ROR2: variants seen among roughly 807,000 people sequenced by gnomAD.
ROR2 encodes the protein tyrosine-protein kinase transmembrane receptor ROR2.
In ROR2, 33 loss-of-function variants were observed where a neutral mutation model predicts 74.9. That is an observed-to-expected ratio of 0.44 (90% CI 0.33 to 0.59). ROR2 has a LOEUF of 0.59. Among genes scored for constraint, ROR2 ranks in the 20% least tolerant of loss-of-function variants. ROR2 has a pLI of 0.02. For missense variants in ROR2, 1,216 were observed against 1,313.8 expected, an observed-to-expected ratio of 0.93 and a Z score of 1.15; for synonymous variants, 586 against 558.7, an observed-to-expected ratio of 1.05 and a Z score of -0.69.
At chr9:91,848,028 C>T (rs1288148877) in intron 1 of ROR2, among the ~76,000 whole-genome samples, 2 of 152,162 alleles carry the variant, frequency 1.3e-5, no homozygotes, top group East Asian at 1.9e-4. Context: ...CAAGCAGAAA[C>T]TTGAAGAGCC....
rs1328198830 is a variant in ROR2 at position 91,837,498 on chromosome 9, GGA to G, written c.98-61682_98-61681del. Among the ~76,000 whole-genome samples the G allele has an allele frequency of 3.9e-5, 6 of 152,230 alleles. No individual in the cohort carries two copies. In the East Asian group the frequency reaches 7.7e-4, roughly 19 times the overall value. ...GGCTGAAACTTAGCTGTTTAAGAAG[GGA>G]GGCGGGGAGAAGCCTTGCCATATTA... On this transcript the variant is annotated intron_variant, in intron 1 of 8. Coordinates refer to ENST00000375708, the MANE Select transcript of ROR2 (RefSeq NM_004560.4).
At chr9:91,936,008 T>C (rs563536444) in intron 1 of ROR2, among the ~76,000 whole-genome samples, 5 of 152,316 alleles carry the variant, frequency 3.3e-5, no homozygotes, top group African/African-American at 1.2e-4. Context: ...CAGCCAGGAC[T>C]GGCCTCATGA....
At chr9:91,779,980 G>A (rs7029809) in intron 1 of ROR2, among the ~76,000 whole-genome samples, 35,354 of 152,162 alleles carry the variant, frequency 0.23, 4,328 homozygotes, top group Middle Eastern at 0.35. Flanking sequence ...ACCAATTGGT[G>A]TCTACAGAAT....
At chr9:91,736,904 C>G (rs910548903) in intron 5 of ROR2, among the ~76,000 whole-genome samples, 1 of 152,228 alleles carries the variant, frequency 6.6e-6, no homozygotes, top group Non-Finnish European at 1.5e-5. Flanking sequence ...CTGCAGCATC[C>G]CTACCACTGA....
chr9:91,854,560 A>C (rs1422335721), intron 1 of ROR2, among the ~76,000 whole-genome samples: 1 of 152,164 alleles, frequency 6.6e-6, no homozygotes, highest in African/African-American at 2.4e-5. Flanking sequence ...TGGCCTTCCT[A>C]TTGCTGCCCC....
At chr9:91,875,789 G>A (rs375893226) in intron 1 of ROR2, among the ~76,000 whole-genome samples, 3 of 152,118 alleles carry the variant, frequency 2.0e-5, no homozygotes, top group African/African-American at 2.4e-5. Context: ...GCACACGGAC[G>A]ATCTTTGCAT....
intron 1 of ROR2, among the ~76,000 whole-genome samples, chr9:91,921,295 T>G (rs905500324): frequency 6.6e-6 from 1 of 152,246 alleles, no homozygotes; most frequent in African/African-American, 2.4e-5. Context: ...CCTTCTTTAA[T>G]ATAGGGGAAA....
intron 1 of ROR2, among the ~76,000 whole-genome samples, chr9:91,792,596 T>A (rs570491106): frequency 6.6e-6 from 1 of 151,896 alleles, no homozygotes; most frequent in Admixed American, 6.6e-5. Context: ...GCATGAGCCA[T>A]GCGCCCAGCC....
At chr9:91,773,810 G>C (rs1435246146) in intron 2 of ROR2, among the ~76,000 whole-genome samples, 1 of 152,130 alleles carries the variant, frequency 6.6e-6, no homozygotes, top group African/African-American at 2.4e-5. Flanking sequence ...TTTTCACTTG[G>C]CCAGTGTCCA....
intron 1 of ROR2, among the ~76,000 whole-genome samples, chr9:91,780,129 C>A (rs1009188977): frequency 1.3e-5 from 2 of 152,306 alleles, no homozygotes; most frequent in South Asian, 4.1e-4. Context: ...CAGTGGCTCA[C>A]GCCTGTAATC....
At chr9:91,868,598 G>A (rs2119324786) in intron 1 of ROR2, among the ~76,000 whole-genome samples, 1 of 152,310 alleles carries the variant, frequency 6.6e-6, no homozygotes, top group East Asian at 1.9e-4. Flanking sequence ...ATTTATAGAG[G>A]TAAAACTATT....
chr9:91,779,527 C>T (rs1176828874), intron 1 of ROR2, among the ~76,000 whole-genome samples: 3 of 152,002 alleles, frequency 2.0e-5, no homozygotes, highest in Admixed American at 1.3e-4. Flanking sequence ...CCCACCACCA[C>T]GCCCGGCTAA....
Position 91,756,064 on chromosome 9 carries a change from T to C in ROR2, c.494+7A>G, listed in dbSNP as rs750207729. 8.7e-6 allele frequency: 14 copies of C among 1,613,808 alleles called. No homozygotes were observed. The highest frequency in any genetic ancestry group is 1.1e-5 in the Non-Finnish European group (13 of 1,179,770). ...CAGAACACGGCTTGGGGAAAACAGATACTTACTGAAAGTTATGATTTGGGC... is the reference window on the plus strand; with the variant it reads ...CAGAACACGGCTTGGGGAAAACAGACACTTACTGAAAGTTATGATTTGGGC... On this transcript the variant is annotated splice_region_variant and intron_variant, in intron 4 of 8. Transcript: ENST00000375708.
chr9:91,810,020 C>T (rs981156231), intron 1 of ROR2, among the ~76,000 whole-genome samples: 1 of 152,220 alleles, frequency 6.6e-6, no homozygotes. Context: ...GGCTGCTCAG[C>T]GACTAAATCG....
intron 1 of ROR2, among the ~76,000 whole-genome samples, chr9:91,796,839 TGG>T (rs1478344414): frequency 8.4e-6 from 1 of 118,728 alleles, no homozygotes; most frequent in African/African-American, 3.8e-5. Context: ...GCTGACACCC[TGG>T]GCTCTGTGGG....
At chr9:91,850,632 TTC>T (rs1829061481) in intron 1 of ROR2, among the ~76,000 whole-genome samples, 1 of 152,238 alleles carries the variant, frequency 6.6e-6, no homozygotes, top group Non-Finnish European at 1.5e-5. Context: ...CAGGCTAGAC[TTC>T]TGGCCTGCAG....
At chr9:91,812,706 C>T (rs574801194) in intron 1 of ROR2, among the ~76,000 whole-genome samples, 1 of 152,082 alleles carries the variant, frequency 6.6e-6, no homozygotes, top group Non-Finnish European at 1.5e-5. Flanking sequence ...GGACTTTCTG[C>T]CTTGTCCCTT....
intron 4 of ROR2, among the ~76,000 whole-genome samples, chr9:91,744,442 C>T (rs1344161355): frequency 6.6e-6 from 1 of 151,952 alleles, no homozygotes; most frequent in Non-Finnish European, 1.5e-5. Context: ...CCAGGCTGGT[C>T]TCAAACTCCG....
rs563620122 is a variant in ROR2, at chr9:91,728,882, G to A, written c.1183+2028C>T. On this transcript the variant is annotated intron_variant, in intron 7 of 8. Transcript: ENST00000375708. The stretch of plus-strand genomic sequence containing the variant: ...CTGCATGCCACTCCACAGCACAGGC[G>A]TCTCCAACTGCCCCATCCAGCCCTA... 1.6e-4 allele frequency among the ~76,000 whole-genome samples: 24 copies of A among 152,204 alleles called. No homozygotes were observed. In the South Asian group the frequency reaches 4.4e-3, roughly 28 times the overall value.
Sources: allele counts gnomAD v4.1 joint callset (sites outside exome capture counted in the v4.1 genomes callset), GRCh38; gene constraint gnomAD v4.1.1; transcripts MANE v1.5; gene names NCBI Gene and HGNC (gene_info 2026-07-23, HGNC 2026-07-21).